FBXL14: variants seen among roughly 807,000 people sequenced by gnomAD.
FBXL14 encodes the protein F-box and leucine rich repeat protein 14, also known as F-box/LRR-repeat protein 14.
Under a neutral mutation model 24.5 loss-of-function variants are expected in FBXL14, and 11 were observed. The observed-to-expected ratio is 0.45, with a 90% CI of 0.28 to 0.74. The LOEUF is 0.74. FBXL14 is among the 30% of genes least tolerant of loss of function. FBXL14 has a pLI of 0.12. For synonymous variants in FBXL14, 294 were observed against 240.4 expected, an observed-to-expected ratio of 1.22 and a Z score of -2.06; for missense variants, 384 against 545.6, an observed-to-expected ratio of 0.70 and a Z score of 2.95.
intron 1 of FBXL14, among the ~76,000 whole-genome samples, chr12:1,590,789 C>G (rs1284754954): frequency 6.6e-6 from 1 of 152,208 alleles, no homozygotes; most frequent in East Asian, 1.9e-4. Context: ...AGCTGCCCTC[C>G]TCCTCTCCAC....
chr12:1,590,461 C>G (rs1265167156), intron 1 of FBXL14, among the ~76,000 whole-genome samples: 1 of 152,056 alleles, frequency 6.6e-6, no homozygotes, highest in Non-Finnish European at 1.5e-5. Context: ...CAGAAACAAC[C>G]CAGACCAATG....
Position 1,579,069 on chromosome 12 carries a change from A to G in FBXL14, c.1195-12259T>C, listed in dbSNP as rs1283485552. On this transcript the variant is annotated intron_variant, in intron 1 of 1. Coordinates refer to ENST00000339235, the MANE Select transcript of FBXL14 (RefSeq NM_152441.3). The surrounding 1 kb of genome is among the most constrained non-coding windows in gnomAD (Gnocchi z 4.3). ...AGGGGGCTCCAGATAACACACTTCTACTTGCTTTCTTTAGGGAAACGACAT... is the reference window on the plus strand; with the variant it reads ...AGGGGGCTCCAGATAACACACTTCTGCTTGCTTTCTTTAGGGAAACGACAT... Among the ~76,000 whole-genome samples, 3 of 152,124 alleles carry G rather than the reference A, an allele frequency of 2.0e-5. No homozygotes were observed. Among genetic ancestry groups the G allele is most frequent in the African/African-American group, 7.2e-5 (3 of 41,530 alleles).
chr12:1,567,310 A>C lies in FBXL14; in HGVS notation c.1195-500T>G, dbSNP rs1207128696. Reference sequence around the variant, plus strand: ...AAACCCCATCTCTACTAAAAATAAAAATTAAAAAAAAGGAAAAGAAAGAAA... The same window carrying C: ...AAACCCCATCTCTACTAAAAATAAACATTAAAAAAAAGGAAAAGAAAGAAA... On this transcript the variant is annotated intron_variant, in intron 1 of 1. Transcript: ENST00000339235. This position sits in a 1 kb window ranked among gnomAD's most constrained non-coding sequence, Gnocchi z 4.8. Among the ~76,000 whole-genome samples, 1 of 151,898 alleles carries C rather than the reference A, an allele frequency of 6.6e-6. No individual in the cohort carries two copies. The highest frequency in any genetic ancestry group is 6.6e-5 in the Admixed American group (1 of 15,232).
rs2094496312 is a variant in FBXL14, at chr12:1,594,012, A to G, written c.55T>C (p.Tyr19His). Residue 19 changes from tyrosine (Y) to histidine (H), a missense_variant, in exon 1 of 2, where the codon TAC becomes CAC. Coordinates refer to ENST00000339235, the MANE Select transcript of FBXL14 (RefSeq NM_152441.3). ...FPELLAMIFG[Y>H]LDVRDKGRAA... ...CGCCCCTTGTCCCGGACGTCCAGGT[A>G]GCCGAAGATCATGGCCAGCAGCTCC... The G allele has an allele frequency of 3.2e-6, 5 of 1,576,982 alleles. No homozygotes were observed. Among genetic ancestry groups the G allele is most frequent in the Non-Finnish European group, 4.3e-6 (5 of 1,169,728 alleles).
rs762088188 is a variant in FBXL14 at position 1,594,111 on chromosome 12, C to T, written c.-45G>A. 2.3e-6 allele frequency: 3 copies of T among 1,318,060 alleles called. No individual in the cohort carries two copies. The highest frequency in any genetic ancestry group is 2.9e-6 in the Non-Finnish European group (3 of 1,036,332). The allele number at this position is 1,318,060 out of a possible 1,614,324, so 81.6% of individuals were successfully genotyped here. A position where few individuals can be genotyped will look rare whatever the true frequency, so the allele number is the denominator to read the frequency against. On this transcript the variant is annotated 5_prime_UTR_variant, in exon 1 of 2. Coordinates refer to ENST00000339235, the MANE Select transcript of FBXL14 (RefSeq NM_152441.3). ...CGGCGCTGGGGGGAGGAGGCGCGGG[C>T]CCCGCCGCTCCGGCCTCGGGCAGGC... is the stretch of plus-strand genomic sequence containing the variant.
At chr12:1,573,457 GC>G (rs1180254000) in intron 1 of FBXL14, among the ~76,000 whole-genome samples, 1 of 152,196 alleles carries the variant, frequency 6.6e-6, no homozygotes, top group African/African-American at 2.4e-5. Flanking sequence ...AACCTTGTCA[GC>G]TGAATGCCAC....
chr12:1,593,652 C>T lies in FBXL14; in HGVS notation c.415G>A (p.Ala139Thr). The T allele has an allele frequency of 6.2e-7, 1 of 1,614,150 alleles. No individual in the cohort carries two copies. Among genetic ancestry groups the T allele is most frequent in the Non-Finnish European group, 8.5e-7 (1 of 1,180,020 alleles). ...QITDSSLGRI[A>T]QYLKGLEVLE... The stretch of plus-strand genomic sequence containing the variant: ...ACCTCCAGGCCCTTGAGGTACTGGG[C>T]TATGCGGCCCAGGCTGCTGTCAGTG... The change falls in exon 1 of 2, where the codon GCC (alanine) becomes ACC (threonine). Residue 139 changes from alanine (A) to threonine (T), a missense_variant. Ala to Thr is a moderately conservative substitution (Grantham distance 58, BLOSUM62 0). Transcript: ENST00000339235. This position sits in a 1 kb window ranked among gnomAD's most constrained non-coding sequence, Gnocchi z 7.4.
intron 1 of FBXL14, among the ~76,000 whole-genome samples, chr12:1,584,829 T>C (rs145854434): frequency 2.1e-4 from 32 of 149,622 alleles, no homozygotes; most frequent in South Asian, 6.2e-4. Flanking sequence ...ATCTTGTCGT[T>C]GTTGTTGTTC....
chr12:1,578,295 A>G (rs927032733), intron 1 of FBXL14, among the ~76,000 whole-genome samples: 15 of 152,190 alleles, frequency 9.9e-5, no homozygotes, highest in African/African-American at 3.6e-4. Context: ...TTATCAAATT[A>G]TTGTTTCTAA....
chr12:1,592,919 A>C lies in FBXL14; in HGVS notation c.1148T>G (p.Leu383Arg). Reference protein sequence around the residue: ...GLERITQLPCLKVLNLGLWQM... With the variant: ...GLERITQLPCRKVLNLGLWQM... ...CCAGAGTCCCAGGTTGAGTACCTTG[A>C]GGCACGGCAGCTGCGTGATGCGCTC... is the stretch of plus-strand genomic sequence containing the variant. The change falls in exon 1 of 2, where the codon CTC (leucine) becomes CGC (arginine). Residue 383 changes from leucine to arginine, a missense_variant. Transcript: ENST00000339235. The C allele has an allele frequency of 6.2e-7, 1 of 1,605,836 alleles. No individual in the cohort carries two copies. The highest frequency in any genetic ancestry group is 8.5e-7 in the Non-Finnish European group (1 of 1,174,550).
rs954004383 is a variant in FBXL14 at position 1,566,687 on chromosome 12, G to T, written c.*61C>A. 1.3e-6 allele frequency: 1 copy of T among 777,920 alleles called. No individual in the cohort carries two copies. Among genetic ancestry groups the T allele is most frequent in the Non-Finnish European group, 2.4e-6 (1 of 416,550 alleles). The allele number at this position is 777,920 out of a possible 1,614,324, so 48.2% of individuals were successfully genotyped here. On this transcript the variant is annotated 3_prime_UTR_variant, in exon 2 of 2. Coordinates refer to ENST00000339235, the MANE Select transcript of FBXL14 (RefSeq NM_152441.3). The stretch of plus-strand genomic sequence containing the variant: ...CTGTCATCACCAGAGTGCCGGAGGC[G>T]CAGAGCGGGCAAGTCTGGAAGTTAA...
rs1565585553 is a variant in FBXL14 at position 1,579,947 on chromosome 12, C to T, written c.1194+12926G>A. 6.6e-6 allele frequency among the ~76,000 whole-genome samples: 1 copy of T among 152,206 alleles called. No homozygotes were observed. Among genetic ancestry groups the T allele is most frequent in the Non-Finnish European group, 1.5e-5 (1 of 68,026 alleles). ...TTAATGAACACTCATGCATAGATGA[C>T]ATCAAAGAAGGTCCTTTGCAATGTA... is the stretch of plus-strand genomic sequence containing the variant. On this transcript the variant is annotated intron_variant, in intron 1 of 1. Transcript: ENST00000339235. This position sits in a 1 kb window ranked among gnomAD's most constrained non-coding sequence, Gnocchi z 4.3.
rs530606767 is a variant in FBXL14 at position 1,569,643 on chromosome 12, G to T, written c.1195-2833C>A. Among the ~76,000 whole-genome samples, 6 of 152,084 alleles carry T rather than the reference G, an allele frequency of 3.9e-5. No homozygotes were observed. The highest frequency in any genetic ancestry group is 1.4e-4 in the African/African-American group (6 of 41,404). On this transcript the variant is annotated intron_variant, in intron 1 of 1. Coordinates refer to ENST00000339235, the MANE Select transcript of FBXL14 (RefSeq NM_152441.3). This position sits in a 1 kb window ranked among gnomAD's most constrained non-coding sequence, Gnocchi z 4.2. The stretch of plus-strand genomic sequence containing the variant: ...TCTCGATCTCCTGAACTTGTGATCC[G>T]CCCGCCTCGGCCTCCCAGAGTGCTG...
Position 1,569,635 on chromosome 12 carries a change from T to C in FBXL14, c.1195-2825A>G, listed in dbSNP as rs1233719927. On this transcript the variant is annotated intron_variant, in intron 1 of 1. Transcript: ENST00000339235. The surrounding 1 kb of genome is among the most constrained non-coding windows in gnomAD (Gnocchi z 4.2). ...CAGGATGGTCTCGATCTCCTGAACT[T>C]GTGATCCGCCCGCCTCGGCCTCCCA... is the stretch of plus-strand genomic sequence containing the variant. 2.0e-5 allele frequency among the ~76,000 whole-genome samples: 3 copies of C among 152,134 alleles called. No individual in the cohort carries two copies. The highest frequency in any genetic ancestry group is 2.1e-4 in the South Asian group (1 of 4,824).
At chr12:1,590,058 C>T (rs370662420) in intron 1 of FBXL14, among the ~76,000 whole-genome samples, 19 of 152,144 alleles carry the variant, frequency 1.2e-4, no homozygotes, top group Non-Finnish European at 1.3e-4. Context: ...AACCCACTGC[C>T]GTGTAACCTT....
rs577289018 is a variant in FBXL14, at chr12:1,569,941, C to T, written c.1195-3131G>A. 5.3e-4 allele frequency among the ~76,000 whole-genome samples: 80 copies of T among 152,344 alleles called. No homozygotes were observed. The highest frequency in any genetic ancestry group is 1.2e-3 in the Admixed American group (18 of 15,298). Reference sequence around the variant, plus strand: ...TCCCCCTCGAGAGCTGCACTTCTGCCCTCAGGCCCACTGAGCTCCTTCTGC... The same window carrying T: ...TCCCCCTCGAGAGCTGCACTTCTGCTCTCAGGCCCACTGAGCTCCTTCTGC... On this transcript the variant is annotated intron_variant, in intron 1 of 1. Coordinates refer to ENST00000339235, the MANE Select transcript of FBXL14 (RefSeq NM_152441.3). The surrounding 1 kb of genome is among the most constrained non-coding windows in gnomAD (Gnocchi z 4.2).
intron 1 of FBXL14, among the ~76,000 whole-genome samples, chr12:1,572,809 AAAATGAG>A (rs781652299): frequency 3.6e-4 from 54 of 151,952 alleles, no homozygotes; most frequent in Middle Eastern, 3.4e-3. Context: ...CAAAATGGTC[AAAATGAG>A]AAGTGATGAG....
Position 1,594,134 on chromosome 12 carries a change from G to A in FBXL14, c.-68C>T. 1 of 1,247,236 alleles carries A rather than the reference G, an allele frequency of 8.0e-7. No individual in the cohort carries two copies. Among genetic ancestry groups the A allele is most frequent in the Non-Finnish European group, 1.0e-6 (1 of 991,716 alleles). The allele number at this position is 1,247,236 out of a possible 1,614,324, so 77.3% of individuals were successfully genotyped here. On this transcript the variant is annotated 5_prime_UTR_variant, in exon 1 of 2. Transcript: ENST00000339235. ...GGCCCCGCCGCTCCGGCCTCGGGCA[G>A]GCGACGAGAGCGCTTCTCCCCAGCC...
chr12:1,567,677 G>A lies in FBXL14; in HGVS notation c.1195-867C>T, dbSNP rs190388957. ...GTAGGCAGCATGCAGGAACAGGTGC[G>A]CAATGAAAGCAGGGAGATGGGAATC... is the stretch of plus-strand genomic sequence containing the variant. On this transcript the variant is annotated intron_variant, in intron 1 of 1. Transcript: ENST00000339235. The surrounding 1 kb of genome is among the most constrained non-coding windows in gnomAD (Gnocchi z 4.8). 3.3e-5 allele frequency among the ~76,000 whole-genome samples: 5 copies of A among 152,260 alleles called. 1 individual carries two copies. Among genetic ancestry groups the A allele is most frequent in the South Asian group, 4.2e-4 (2 of 4,818 alleles).
Sources: gnomAD v4.1 joint callset for allele counts (sites outside exome capture counted in the v4.1 genomes callset) on GRCh38, gnomAD v4.1.1 for gene constraint, Gnocchi (gnomAD v3.1) non-coding constraint, MANE v1.5 for transcripts, NCBI Gene and HGNC (gene_info 2026-07-23, HGNC 2026-07-21) for gene names.